Variants in A2ML1 observed in about 807,000 individuals in gnomAD.
The protein encoded by A2ML1 is alpha-2-macroglobulin like 1, also known as alpha-2-macroglobulin-like protein 1.
In A2ML1, 161 loss-of-function variants were observed where a neutral mutation model predicts 181.9. The observed-to-expected ratio is 0.89, with a 90% CI of 0.78 to 1.01. The LOEUF (loss-of-function observed/expected upper bound fraction) is 1.01. Ranked by LOEUF, A2ML1 falls within the 50% of genes least tolerant of loss-of-function variation. The pLI, the probability that A2ML1 is intolerant of heterozygous loss-of-function variation, is 0.00. For synonymous variants in A2ML1, 663 were observed against 666.8 expected (o/e 0.99, Z 0.09); for missense variants, 1,670 against 1,768.1 (o/e 0.94, Z 1.00).
At chr12:8,828,794 C>T (rs1943013677) in intron 3 of A2ML1, among the ~76,000 whole-genome samples, 1 of 152,218 alleles carries the variant, frequency 6.6e-6, no homozygotes. Flanking sequence ...GTATTTAGAG[C>T]CCCAGGGGCT....
chr12:8,872,581 A>G (rs1027238405), intron 33 of A2ML1, among the ~76,000 whole-genome samples: 2 of 152,052 alleles, frequency 1.3e-5, no homozygotes, highest in African/African-American at 4.8e-5. Flanking sequence ...GGAGTTCGAG[A>G]TCAACCTGGC....
chr12:8,836,192 C>A, intron 6 of A2ML1, 63 bp from the exon 7 acceptor site: 2 of 1,361,560 alleles, frequency 1.5e-6, no homozygotes, highest in Non-Finnish European at 2.1e-6. Flanking sequence ...CCCCTCTGCT[C>A]ACTGCCTGTC....
At position 8,843,170 on chromosome 12, in the gene A2ML1, G is replaced by A; in HGVS notation, c.1285G>A (p.Glu429Lys). 1 of 1,614,110 alleles carries A rather than the reference G, an allele frequency of 6.2e-7. No individual in the cohort carries two copies. Among genetic ancestry groups the A allele is most frequent in the Non-Finnish European group, 8.5e-7 (1 of 1,180,024 alleles). Residue 429 changes from glutamate (E) to lysine (K), a missense_variant, in exon 12 of 36, where the codon GAA becomes AAA. Transcript: ENST00000299698. Reference protein sequence around the residue: ...FQMEDLVYNPEQVPRYYQNAY... With the variant: ...FQMEDLVYNPKQVPRYYQNAY... ...AATGGAAGACTTAGTATATAATCCG[G>A]AACAAGTGCCACGTTACTACCAAAA...
chr12:8,879,868 C>G (rs901363017), downstream of A2ML1, among the ~76,000 whole-genome samples: 1 of 152,162 alleles, frequency 6.6e-6, no homozygotes, highest in African/African-American at 2.4e-5. Flanking sequence ...TCAAGTGACA[C>G]TTGGTATTAC....
At position 8,845,865 on chromosome 12, in the gene A2ML1, T is replaced by TAAAATA. The variant is rs1555111301; in HGVS notation, c.1538-209_1538-208insATAAAA. 2.0e-3 allele frequency among the ~76,000 whole-genome samples: 262 copies of TAAAATA among 131,230 alleles called. 6 individuals are homozygous for TAAAATA. Among genetic ancestry groups the TAAAATA allele is most frequent in the African/African-American group, 6.3e-3 (194 of 30,868 alleles). 86.1% of individuals were successfully genotyped at this position (131,230 alleles called of 152,430 possible). On this transcript the variant is annotated intron_variant, in intron 13 of 35. Coordinates refer to ENST00000299698, the MANE Select transcript of A2ML1 (RefSeq NM_144670.6). ...ACTCCGTCTCAAAAAAAAAAAAAAATAAATAAAATAAAATAAAATAAAATA... is the reference window on the plus strand; with the variant it reads ...ACTCCGTCTCAAAAAAAAAAAAAAATAAAATAAAATAAAATAAAATAAAATAAAATA...
rs746162067 is a variant in A2ML1 at position 8,857,374 on chromosome 12, C to G, written c.3025+34C>G. On this transcript the variant is annotated intron_variant, in intron 24 of 35. Coordinates refer to ENST00000299698, the MANE Select transcript of A2ML1 (RefSeq NM_144670.6). ...GTTCAGTCTTTCTTTCTTGAACACT[C>G]TCCTCCACTAGGCCCTATGACAGAT... 180 of 1,609,064 alleles carry G rather than the reference C, an allele frequency of 1.1e-4. 1 individual carries two copies. The East Asian group carries it at 4.0e-3, about 35-fold the overall frequency.
intron 33 of A2ML1, among the ~76,000 whole-genome samples, chr12:8,870,269 T>C (rs1237642465): frequency 3.4e-5 from 5 of 148,946 alleles, no homozygotes; most frequent in African/African-American, 1.0e-4. Flanking sequence ...GTATAGTTTC[T>C]TTTTTCTTTT....
At position 8,851,715 on chromosome 12, in the gene A2ML1, G is replaced by C. The variant is rs780213213; in HGVS notation, c.2235-69G>C. 10 of 1,476,444 alleles carry C rather than the reference G, an allele frequency of 6.8e-6. No individual in the cohort carries two copies. The East Asian group carries it at 2.1e-4, about 31-fold the overall frequency. 91.5% of individuals were successfully genotyped at this position (1,476,444 alleles called of 1,614,324 possible). ...GCCAGCACACCCCACCGAATTTGTG[G>C]CTTAATTCACAAATGTTCTCCTTGC... On this transcript the variant is annotated intron_variant, in intron 18 of 35. Coordinates refer to ENST00000299698, the MANE Select transcript of A2ML1 (RefSeq NM_144670.6).
At chr12:8,835,466 G>A (rs1156468963) in intron 5 of A2ML1, 41 bp from the exon 6 acceptor site, 1 of 1,610,208 alleles carries the variant, frequency 6.2e-7, no homozygotes, top group Non-Finnish European at 8.5e-7. Flanking sequence ...AGAGTGGGAA[G>A]CAAACGGGCA....
At position 8,823,724 on chromosome 12, in the gene A2ML1, C is replaced by T. The variant is rs1451933643; in HGVS notation, c.251C>T (p.Pro84Leu). The T allele has an allele frequency of 1.9e-6, 3 of 1,613,274 alleles. No homozygotes were observed. Among genetic ancestry groups the T allele is most frequent in the African/African-American group, 2.7e-5 (2 of 74,890 alleles). The change falls in exon 3 of 36, where the codon CCA (proline) becomes CTA (leucine). Residue 84 changes from proline to leucine, a missense_variant. Transcript: ENST00000299698. ...RHLHCISFLVPPPAGGTEEVA... is the reference protein window; with the variant it reads ...RHLHCISFLVLPPAGGTEEVA... Reference sequence around the variant, plus strand: ...GAAGTCCCCTTTCTTGGTCAGGTACCACCTCCTGCTGGTGGCACAGAAGAA... The same window carrying T: ...GAAGTCCCCTTTCTTGGTCAGGTACTACCTCCTGCTGGTGGCACAGAAGAA...
intron 33 of A2ML1, among the ~76,000 whole-genome samples, chr12:8,873,768 G>A (rs1944706698): frequency 6.6e-6 from 1 of 152,134 alleles, no homozygotes; most frequent in Non-Finnish European, 1.5e-5. Flanking sequence ...AAGCAAACCA[G>A]TAAGGGGCAT....
Position 8,835,638 on chromosome 12 carries a change from CT to C in A2ML1, c.618del (p.Phe206LeufsTer32). On this transcript the variant is annotated frameshift_variant, in exon 6 of 36. Transcript: ENST00000299698. LOFTEE classifies it high-confidence loss of function. ...CTGTGGCAGTGGCTGAGGGCAAGAC[CT>C]TTGGTACTTTCAGTGTGGAGGAATA... ...YTVAVAEGKTFGTFSVEEYVL... is the reference protein window; with the variant it reads ...YTVAVAEGKTXGTFSVEEYVL... The C allele has an allele frequency of 6.2e-7, 1 of 1,614,142 alleles. No homozygotes were observed. Among genetic ancestry groups the C allele is most frequent in the Non-Finnish European group, 8.5e-7 (1 of 1,180,004 alleles).
chr12:8,844,909 G>T, intron 12 of A2ML1: 1 of 1,107,122 alleles, frequency 9.0e-7, no homozygotes, highest in African/African-American at 1.6e-5. Flanking sequence ...CGTGGGATGA[G>T]AGCCTGCTTG....
At chr12:8,832,039 C>T (rs148976881) in intron 4 of A2ML1, among the ~76,000 whole-genome samples, 3,718 of 152,260 alleles carry the variant, frequency 0.024, 84 homozygotes, top group African/African-American at 0.065. Flanking sequence ...CGTGAGCCAC[C>T]GCGCCTGGCC....
In A2ML1 at chr12:8,847,768, A is replaced by G. The variant is rs1393076788; in HGVS notation, c.1833+70A>G. The G allele has an allele frequency of 3.9e-6, 6 of 1,541,422 alleles. No individual in the cohort carries two copies. The African/African-American group carries it at 4.1e-5, about 11-fold the overall frequency. On this transcript the variant is annotated intron_variant, in intron 15 of 35. Coordinates refer to ENST00000299698, the MANE Select transcript of A2ML1 (RefSeq NM_144670.6). Reference sequence around the variant, plus strand: ...AGAAGACAATTAAGAGGTAGGTTTCAGGCAGGGGAGAGAAAGTCTTAGGGA... The same window carrying G: ...AGAAGACAATTAAGAGGTAGGTTTCGGGCAGGGGAGAGAAAGTCTTAGGGA...
chr12:8,871,674 T>C (rs1279021207), intron 33 of A2ML1, among the ~76,000 whole-genome samples: 2 of 152,178 alleles, frequency 1.3e-5, no homozygotes, highest in African/African-American at 4.8e-5. Flanking sequence ...TTTCCTGATA[T>C]ATTTGAGACT....
At chr12:8,868,743 T>A (rs1295674598) in intron 32 of A2ML1, 116 bp downstream of exon 32, 2 of 727,740 alleles carry the variant, frequency 2.7e-6, no homozygotes, top group Admixed American at 2.8e-5. Flanking sequence ...ACAAGGCATG[T>A]ATATACATAC....
chr12:8,834,440 C>A (rs758541710), intron 4 of A2ML1, among the ~76,000 whole-genome samples: 11 of 152,182 alleles, frequency 7.2e-5, no homozygotes, highest in Non-Finnish European at 1.0e-4. Context: ...CTTTGAGATT[C>A]CTGCCCCCAC....
At chr12:8,840,273 T>C (rs1943424262) in intron 10 of A2ML1, among the ~76,000 whole-genome samples, 1 of 149,668 alleles carries the variant, frequency 6.7e-6, no homozygotes, top group Admixed American at 6.7e-5. Context: ...GGCACGAGAA[T>C]GGCTTGAACA....
Sources: allele counts gnomAD v4.1 joint callset (sites outside exome capture counted in the v4.1 genomes callset), GRCh38; gene constraint gnomAD v4.1.1; transcripts MANE v1.5; gene names NCBI Gene and HGNC (gene_info 2026-07-23, HGNC 2026-07-21).